Variants in CCPG1 observed in about 807,000 individuals in gnomAD.
The protein encoded by CCPG1 is cell cycle progression 1, also known as cell cycle progression protein 1.
CCPG1 carries 46 observed loss-of-function variants against 81.3 expected under a neutral mutation model. The observed-to-expected ratio is 0.57, with a 90% CI of 0.45 to 0.72. The LOEUF (loss-of-function observed/expected upper bound fraction) is 0.72. Ranked by LOEUF, CCPG1 falls within the 30% of genes least tolerant of loss-of-function variation. The probability of loss-of-function intolerance (pLI) is 0.00; values close to 1 mark genes in which losing one functional copy is unlikely to be tolerated. For synonymous variants in CCPG1, 330 were observed against 305.2 expected, an observed-to-expected ratio of 1.08 and a Z score of -0.85; for missense variants, 902 against 937.6, an observed-to-expected ratio of 0.96 and a Z score of 0.50.
intron 7 of CCPG1, among the ~76,000 whole-genome samples, chr15:55,362,281 T>A (rs894952107): frequency 1.1e-4 from 17 of 150,644 alleles, no homozygotes; most frequent in Non-Finnish European, 2.9e-5. Context: ...ACGTTATGGT[T>A]ACCCCATTTG....
At chr15:55,367,730 C>T (rs964450490) in intron 6 of CCPG1, among the ~76,000 whole-genome samples, 4 of 152,052 alleles carry the variant, frequency 2.6e-5, no homozygotes, top group Non-Finnish European at 5.9e-5. Flanking sequence ...TATCATCTGG[C>T]AAAACTTCCC....
chr15:55,387,029 G>C (rs2056814375), intron 2 of CCPG1, among the ~76,000 whole-genome samples: 2 of 152,236 alleles, frequency 1.3e-5, no homozygotes, highest in African/African-American at 2.4e-5. Context: ...ATTAGGAATT[G>C]CTGGGGAAAC....
chr15:55,366,622 T>C (rs2056333374), intron 6 of CCPG1, among the ~76,000 whole-genome samples: 2 of 152,104 alleles, frequency 1.3e-5, no homozygotes, highest in African/African-American at 4.8e-5. Flanking sequence ...AAATACAATA[T>C]TAGCCAGGGA....
In CCPG1 at chr15:55,376,976, G is replaced by A. The variant is rs1403348036; in HGVS notation, c.427C>T (p.Gln143Ter). The stretch of plus-strand genomic sequence containing the variant: ...GTTTCTGGCTGACAGAAAGTATACT[G>A]GCTGCTAGAGGAAGAGCCCATGTTA... ...DFNMGSSSSS[Q>*]YTFCQPETVF... Residue 143 changes from glutamine to a stop codon, truncating the protein, a stop_gained, in exon 5 of 9, where the codon CAG (glutamine) becomes TAG (stop). Coordinates refer to ENST00000442196, the MANE Select transcript of CCPG1 (RefSeq NM_001204450.2). LOFTEE classifies it high-confidence loss of function. 1.2e-6 allele frequency: 2 copies of A among 1,613,164 alleles called. No individual in the cohort carries two copies. The highest frequency in any genetic ancestry group is 1.7e-5 in the Admixed American group (1 of 59,992).
intron 6 of CCPG1, among the ~76,000 whole-genome samples, chr15:55,371,300 C>T (rs952608345): frequency 6.6e-6 from 1 of 152,186 alleles, no homozygotes; most frequent in Non-Finnish European, 1.5e-5. Context: ...GACAAACTCT[C>T]AATTCATGTG....
intron 1 of CCPG1, among the ~76,000 whole-genome samples, chr15:55,397,300 A>C (rs1349975280): frequency 6.6e-6 from 1 of 152,206 alleles, no homozygotes; most frequent in Non-Finnish European, 1.5e-5. Context: ...TACAGATCCT[A>C]AGACTCCTTT....
chr15:55,385,769 A>C lies in CCPG1; in HGVS notation c.61-55T>G, dbSNP rs1213780923. The C allele has an allele frequency of 1.2e-5, 10 of 865,050 alleles. No individual in the cohort carries two copies. The East Asian group carries it at 1.5e-4, about 13-fold the overall frequency. 53.6% of individuals were successfully genotyped at this position (865,050 alleles called of 1,614,324 possible). ...TTGCCTATTAGCTCCTCAAAGCTAGATTTGACTACATGTAAATGCTTCTTC... is the reference window on the plus strand; with the variant it reads ...TTGCCTATTAGCTCCTCAAAGCTAGCTTTGACTACATGTAAATGCTTCTTC... On this transcript the variant is annotated intron_variant, in intron 2 of 8. Transcript: ENST00000442196.
At chr15:55,378,976 A>C (rs1460292899) in intron 3 of CCPG1, among the ~76,000 whole-genome samples, 4 of 151,378 alleles carry the variant, frequency 2.6e-5, no homozygotes, top group African/African-American at 7.3e-5. Context: ...TACTTGATCC[A>C]GTATGTTCAT....
At chr15:55,389,068 CAAAAAAAAA>C (rs373917631) in intron 2 of CCPG1, among the ~76,000 whole-genome samples, 8 of 56,300 alleles carry the variant, frequency 1.4e-4, no homozygotes, top group South Asian at 1.6e-3. Flanking sequence ...GACTCTGTCT[CAAAAAAAAA>C]AAAAAAAAAA....
intron 6 of CCPG1, 27 bp downstream of exon 6, chr15:55,371,766 A>T: frequency 3.7e-6 from 6 of 1,606,314 alleles, no homozygotes; most frequent in Non-Finnish European, 5.1e-6. Context: ...CCATCAGGTT[A>T]TGTATAACAC....
At chr15:55,364,204 A>G (rs1019457838) in intron 7 of CCPG1, among the ~76,000 whole-genome samples, 3 of 150,558 alleles carry the variant, frequency 2.0e-5, no homozygotes. Flanking sequence ...TCATAAACCC[A>G]CAGAGGTGTT....
chr15:55,380,043 T>G lies in CCPG1; in HGVS notation c.176-1667A>C, dbSNP rs184710946. 4.4e-3 allele frequency among the ~76,000 whole-genome samples: 651 copies of G among 148,252 alleles called. 7 individuals are homozygous for G. Among genetic ancestry groups the G allele is most frequent in the African/African-American group, 0.015 (604 of 39,990 alleles). Reference sequence around the variant, plus strand: ...TGAACCCAGGAGGCGAAGGTTGCAGTGAGCCGAGATCATGCCATTGCACTA... The same window carrying G: ...TGAACCCAGGAGGCGAAGGTTGCAGGGAGCCGAGATCATGCCATTGCACTA... On this transcript the variant is annotated intron_variant, in intron 3 of 8. Coordinates refer to ENST00000442196, the MANE Select transcript of CCPG1 (RefSeq NM_001204450.2).
intron 3 of CCPG1, among the ~76,000 whole-genome samples, chr15:55,380,005 CAGG>C (rs1566975024): frequency 6.6e-6 from 1 of 150,458 alleles, no homozygotes; most frequent in Non-Finnish European, 1.5e-5. Flanking sequence ...GAGGCTGAGG[CAGG>C]AGAATTGCTT....
intron 1 of CCPG1, among the ~76,000 whole-genome samples, chr15:55,393,140 T>C (rs938765211): frequency 1.3e-5 from 2 of 151,734 alleles, no homozygotes; most frequent in East Asian, 3.9e-4. Flanking sequence ...TTAAATAGCA[T>C]ATATTAAGAT....
intron 1 of CCPG1, among the ~76,000 whole-genome samples, chr15:55,391,368 A>C (rs989031639): frequency 2.6e-5 from 4 of 152,190 alleles, no homozygotes; most frequent in Admixed American, 2.0e-4. Flanking sequence ...CGCCCTCCTC[A>C]GCTTCCCAAA....
chr15:55,393,407 TCCAGCCTGGGTAACAGAGCAAGA>T (rs1241891813), intron 1 of CCPG1, among the ~76,000 whole-genome samples: 3 of 152,164 alleles, frequency 2.0e-5, no homozygotes, highest in African/African-American at 7.2e-5. Context: ...ATGACTGCAC[TCCAGCCTGGGTAACAGAGCAAGA>T]CCCTGTCTCA....
intron 6 of CCPG1, 93 bp downstream of exon 6, chr15:55,371,700 A>G (rs2056452741): frequency 1.6e-6 from 2 of 1,276,600 alleles, no homozygotes; most frequent in Non-Finnish European, 2.2e-6. Flanking sequence ...CACATTTAAT[A>G]ATGGCACTGA....
chr15:55,380,506 A>G (rs1313301917), intron 3 of CCPG1, among the ~76,000 whole-genome samples: 2 of 151,636 alleles, frequency 1.3e-5, no homozygotes, highest in African/African-American at 4.8e-5. Context: ...CGTGTTAGCC[A>G]GGATGGTCTT....
intron 1 of CCPG1, among the ~76,000 whole-genome samples, chr15:55,391,822 G>C (rs1047165233): frequency 2.2e-5 from 3 of 138,134 alleles, no homozygotes; most frequent in African/African-American, 8.0e-5. Context: ...TCATGCCTGT[G>C]AACTGCCATT....
Sources: allele counts gnomAD v4.1 joint callset (sites outside exome capture counted in the v4.1 genomes callset), GRCh38; gene constraint gnomAD v4.1.1; transcripts MANE v1.5; gene names NCBI Gene and HGNC (gene_info 2026-07-23, HGNC 2026-07-21).